NR2C1: variants seen among roughly 807,000 people sequenced by gnomAD.
NR2C1 encodes nuclear receptor subfamily 2 group C member 1.
In NR2C1, 33 loss-of-function variants were observed where a neutral mutation model predicts 74.8. The ratio of observed to expected loss-of-function variants is 0.44; its 90% confidence interval spans 0.33 to 0.59. NR2C1 has a LOEUF of 0.59. Ranked by LOEUF, NR2C1 falls within the 20% of genes least tolerant of loss-of-function variation. The pLI, the probability that NR2C1 is intolerant of heterozygous loss-of-function variation, is 0.02. For missense variants in NR2C1, 568 were observed against 715.6 expected, an observed-to-expected ratio of 0.79 and a Z score of 2.35; for synonymous variants, 225 against 240.6, an observed-to-expected ratio of 0.94 and a Z score of 0.60.
chr12:95,059,858 G>C lies in NR2C1; in HGVS notation c.364+48C>G, dbSNP rs774777790. ...TTATTTCAACAACACGACACATATAGGAGGTTATTTTTTTTTTCTGTTTTT... is the reference window on the plus strand; with the variant it reads ...TTATTTCAACAACACGACACATATACGAGGTTATTTTTTTTTTCTGTTTTT... On this transcript the variant is annotated intron_variant, in intron 4 of 13. Transcript: ENST00000333003. 3 of 1,320,414 alleles carry C rather than the reference G, an allele frequency of 2.3e-6. No individual in the cohort carries two copies. In the East Asian group the frequency reaches 7.0e-5, roughly 31 times the overall value. The allele number at this position is 1,320,414 out of a possible 1,614,324, so 81.8% of individuals were successfully genotyped here.
chr12:95,025,140 C>T lies in NR2C1; in HGVS notation c.1637+10G>A. ...ATTATTTTAATTATATAGAATTTAA[C>T]TCTAGATACCTGTAGGTGTCATCTG... is the stretch of plus-strand genomic sequence containing the variant. On this transcript the variant is annotated intron_variant, in intron 13 of 13. Coordinates refer to ENST00000333003, the MANE Select transcript of NR2C1 (RefSeq NM_003297.4). The T allele has an allele frequency of 8.0e-7, 1 of 1,242,970 alleles. No individual in the cohort carries two copies. The highest frequency in any genetic ancestry group is 1.1e-6 in the Non-Finnish European group (1 of 870,070). 77.0% of individuals were successfully genotyped at this position (1,242,970 alleles called of 1,614,324 possible). A position where few individuals can be genotyped will look rare whatever the true frequency, so the allele number is the denominator to read the frequency against.
intron 9 of NR2C1, among the ~76,000 whole-genome samples, chr12:95,046,883 C>T (rs758487976): frequency 1.3e-5 from 2 of 151,996 alleles, no homozygotes; most frequent in Non-Finnish European, 2.9e-5. Context: ...TGTAAGACTC[C>T]GAGAAAGATG....
chr12:95,030,971 T>A, intron 11 of NR2C1: 1 of 970,064 alleles, frequency 1.0e-6, no homozygotes, highest in Non-Finnish European at 1.6e-6. Context: ...AAAATCAACC[T>A]ATCTTAGGAT....
At chr12:95,064,165 T>G (rs368086794) in intron 2 of NR2C1, among the ~76,000 whole-genome samples, 2 of 141,342 alleles carry the variant, frequency 1.4e-5, no homozygotes, top group Admixed American at 7.2e-5. Context: ...CCGTCTCTAC[T>G]AAAAATACAA....
intron 1 of NR2C1, among the ~76,000 whole-genome samples, chr12:95,073,177 C>T (rs1011072688): frequency 4.6e-5 from 7 of 152,240 alleles, no homozygotes; most frequent in Non-Finnish European, 1.5e-5. Context: ...CCCGGGGCCC[C>T]GCGCATTTGG....
Position 95,065,811 on chromosome 12 carries a change from G to A in NR2C1, c.54+1520C>T, listed in dbSNP as rs1365256913. ...TTAAAAATACAAAATTTAGCTGGGC[G>A]TGGTGGCAGGCACCTGTAATCCCAG... On this transcript the variant is annotated intron_variant, in intron 2 of 13. Coordinates refer to ENST00000333003, the MANE Select transcript of NR2C1 (RefSeq NM_003297.4). 3.9e-5 allele frequency among the ~76,000 whole-genome samples: 6 copies of A among 151,930 alleles called. 1 individual carries two copies. Among genetic ancestry groups the A allele is most frequent in the South Asian group, 4.2e-4 (2 of 4,804 alleles).
intron 10 of NR2C1, among the ~76,000 whole-genome samples, chr12:95,038,793 C>T (rs2136121089): frequency 6.6e-6 from 1 of 152,204 alleles, no homozygotes; most frequent in South Asian, 2.1e-4. Flanking sequence ...ATTACCCCAC[C>T]CCTCAGTAGT....
intron 9 of NR2C1, among the ~76,000 whole-genome samples, chr12:95,042,638 T>C (rs1207384933): frequency 6.6e-6 from 1 of 152,132 alleles, no homozygotes; most frequent in East Asian, 1.9e-4. Flanking sequence ...CCTGCCTTTG[T>C]TCATTATTAG....
intron 2 of NR2C1, among the ~76,000 whole-genome samples, chr12:95,065,588 C>A (rs1049057449): frequency 6.6e-6 from 1 of 152,026 alleles, no homozygotes; most frequent in African/African-American, 2.4e-5. Context: ...GCATCCATCC[C>A]CTCAAGCATT....
chr12:95,047,245 G>A (rs543216067), intron 9 of NR2C1, among the ~76,000 whole-genome samples: 2 of 152,050 alleles, frequency 1.3e-5, no homozygotes, highest in East Asian at 3.9e-4. Flanking sequence ...AAGAACAATG[G>A]GAAAAATCAA....
In NR2C1 at chr12:95,020,262, T is replaced by C. The variant is rs748758864; in HGVS notation, c.*1967A>G. 1.3e-5 allele frequency: 2 copies of C among 152,194 alleles called. No individual in the cohort carries two copies. Among genetic ancestry groups the C allele is most frequent in the Non-Finnish European group, 1.5e-5 (1 of 68,026 alleles). 9.4% of individuals were successfully genotyped at this position (152,194 alleles called of 1,614,324 possible). ...AAAATGAATAATATATTTACAAATATACTGGTAAGACACAGAAATTTGTAA... is the reference window on the plus strand; with the variant it reads ...AAAATGAATAATATATTTACAAATACACTGGTAAGACACAGAAATTTGTAA... On this transcript the variant is annotated 3_prime_UTR_variant, in exon 14 of 14. Coordinates refer to ENST00000333003, the MANE Select transcript of NR2C1 (RefSeq NM_003297.4).
chr12:95,054,677 A>T (rs1873565748), intron 7 of NR2C1, among the ~76,000 whole-genome samples: 1 of 152,182 alleles, frequency 6.6e-6, no homozygotes, highest in South Asian at 2.1e-4. Context: ...TACAATTTTA[A>T]ATGCTTTAAT....
Position 95,049,165 on chromosome 12 carries a change from C to A in NR2C1, c.1034G>T (p.Gly345Val), listed in dbSNP as rs1872666891. Residue 345 changes from glycine (G) to valine (V), a missense_variant, in exon 9 of 14, where the codon GGC becomes GTC. Coordinates refer to ENST00000333003, the MANE Select transcript of NR2C1 (RefSeq NM_003297.4). ...ESTACQSSVA[G>V]MEGSVHLITG... ...GATTAGGTGTACACTTCCTTCCATG[C>A]CCGCTACTGAGCTCTGGCAGGCTGT... is the stretch of plus-strand genomic sequence containing the variant. 6.2e-7 allele frequency: 1 copy of A among 1,614,096 alleles called. No homozygotes were observed. Among genetic ancestry groups the A allele is most frequent in the Non-Finnish European group, 8.5e-7 (1 of 1,179,960 alleles).
chr12:95,061,395 A>G (rs367883503), intron 3 of NR2C1, among the ~76,000 whole-genome samples: 2 of 152,374 alleles, frequency 1.3e-5, no homozygotes, highest in South Asian at 2.1e-4. Context: ...GGGGAGTAAT[A>G]TGGGAACTCT....
chr12:95,032,538 C>A (rs1400313144), intron 10 of NR2C1, among the ~76,000 whole-genome samples: 1 of 151,870 alleles, frequency 6.6e-6, no homozygotes, highest in Non-Finnish European at 1.5e-5. Flanking sequence ...CATGTGCCTG[C>A]CGTCCCAGCT....
rs1010606713 is a variant in NR2C1 at position 95,073,538 on chromosome 12, G to A, written c.-166C>T. 6.6e-6 allele frequency: 1 copy of A among 152,300 alleles called. No individual in the cohort carries two copies. Among genetic ancestry groups the A allele is most frequent in the Non-Finnish European group, 1.5e-5 (1 of 68,062 alleles). 9.4% of individuals were successfully genotyped at this position (152,300 alleles called of 1,614,324 possible). A position where few individuals can be genotyped will look rare whatever the true frequency, so the allele number is the denominator to read the frequency against. ...GGCGGAGAGAGCTTTCTGTGTTTGG[G>A]TATTTCTGGGGGGTCAGAGTTCGTG... On this transcript the variant is annotated 5_prime_UTR_variant, in exon 1 of 14. Coordinates refer to ENST00000333003, the MANE Select transcript of NR2C1 (RefSeq NM_003297.4).
chr12:95,051,884 A>G lies in NR2C1; in HGVS notation c.843T>C (p.Asn281=). 1 of 1,612,072 alleles carries G rather than the reference A, an allele frequency of 6.2e-7. No individual in the cohort carries two copies. The stretch of plus-strand genomic sequence containing the variant: ...GAGAAAGATCTTTAGTTTTTCCAAG[A>G]TTCGCTAATGATGTAACCACATTGG... ...TLANVVTSLA[N]LGKTKDLSQN... The change falls in exon 8 of 14, where the codon AAT becomes AAC. Residue 281 remains asparagine (N), a synonymous_variant. Coordinates refer to ENST00000333003, the MANE Select transcript of NR2C1 (RefSeq NM_003297.4).
intron 7 of NR2C1, among the ~76,000 whole-genome samples, chr12:95,056,793 C>A (rs1565865572): frequency 6.6e-6 from 1 of 151,892 alleles, no homozygotes. Flanking sequence ...CCCGTCTCTA[C>A]TAAAAATACA....
At chr12:95,024,740 T>A (rs1869147443) in intron 13 of NR2C1, among the ~76,000 whole-genome samples, 1 of 152,134 alleles carries the variant, frequency 6.6e-6, no homozygotes, top group African/African-American at 2.4e-5. Context: ...CGGGCTAATT[T>A]TTGTATTTTT....
Sources: allele counts gnomAD v4.1 joint callset (sites outside exome capture counted in the v4.1 genomes callset), GRCh38; gene constraint gnomAD v4.1.1; transcripts MANE v1.5; gene names NCBI Gene and HGNC (gene_info 2026-07-23, HGNC 2026-07-21).